Variants in GLRB observed in about 807,000 individuals in gnomAD.
GLRB encodes the protein glycine receptor subunit beta.
Under a neutral mutation model 54.2 loss-of-function variants are expected in GLRB, and 33 were observed. The observed-to-expected ratio is 0.61, with a 90% CI of 0.46 to 0.81. The LOEUF is 0.81. Among genes scored for constraint, GLRB ranks in the 40% least tolerant of loss-of-function variants. The pLI is 0.00. For missense variants in GLRB, 572 were observed against 584.6 expected (o/e 0.98, Z 0.22); for synonymous variants, 209 against 208.2 (o/e 1.00, Z -0.03).
At chr4:157,123,371 C>T (rs1292384698) in intron 4 of GLRB, among the ~76,000 whole-genome samples, 1 of 151,668 alleles carries the variant, frequency 6.6e-6, no homozygotes, top group African/African-American at 2.4e-5. Flanking sequence ...GTAGCAGCAG[C>T]ATAGTACATT....
chr4:157,105,193 T>C (rs1735178700), intron 2 of GLRB, among the ~76,000 whole-genome samples: 1 of 151,896 alleles, frequency 6.6e-6, no homozygotes. Flanking sequence ...TAAGCTTCCC[T>C]CTTAGTACTT....
rs923718446 is a variant in GLRB at position 157,092,927 on chromosome 4, C to G, written c.122+14781C>G. Among the ~76,000 whole-genome samples, 8 of 152,246 alleles carry G rather than the reference C, an allele frequency of 5.3e-5. No homozygotes were observed. In the South Asian group the frequency reaches 1.7e-3, roughly 32 times the overall value. ...TCACAAAAGGTAGTAAAATGGCTTT[C>G]CTAATGGCCTACCGCTAGCTAGTGG... On this transcript the variant is annotated intron_variant, in intron 2 of 9. Transcript: ENST00000264428.
intron 9 of GLRB, among the ~76,000 whole-genome samples, chr4:157,164,685 G>C (rs1195332196): frequency 6.6e-6 from 1 of 152,104 alleles, no homozygotes; most frequent in Non-Finnish European, 1.5e-5. Flanking sequence ...AATGTGCAAT[G>C]ATCCTGATAC....
intron 7 of GLRB, among the ~76,000 whole-genome samples, chr4:157,140,685 G>A (rs1736574944): frequency 6.6e-6 from 1 of 151,866 alleles, no homozygotes; most frequent in Admixed American, 6.6e-5. Context: ...GTGATGCTGT[G>A]GGAGAGGGAG....
chr4:157,138,613 A>G (rs921598667), intron 6 of GLRB, among the ~76,000 whole-genome samples, 196 bp from the exon 7 acceptor site: 1 of 152,174 alleles, frequency 6.6e-6, no homozygotes, highest in Non-Finnish European at 1.5e-5. Context: ...TTTCTTTAAG[A>G]TGAATATCTT....
At chr4:157,155,476 A>AT (rs1260402700) in intron 9 of GLRB, among the ~76,000 whole-genome samples, 3 of 151,962 alleles carry the variant, frequency 2.0e-5, no homozygotes, top group African/African-American at 7.3e-5. Flanking sequence ...CAGGTGACAC[A>AT]TTTTTTTCAC....
chr4:157,132,517 C>A (rs1445639294), intron 4 of GLRB, among the ~76,000 whole-genome samples: 7 of 151,794 alleles, frequency 4.6e-5, no homozygotes, highest in Non-Finnish European at 1.0e-4. Context: ...TCTTTGGGAA[C>A]CCCACCAGCT....
chr4:157,114,736 T>C (rs1300724090), intron 2 of GLRB, among the ~76,000 whole-genome samples: 1 of 151,944 alleles, frequency 6.6e-6, no homozygotes. Context: ...GTCCTTCAGA[T>C]GGGATTTATC....
intron 4 of GLRB, among the ~76,000 whole-genome samples, chr4:157,123,054 G>A (rs987620553): frequency 6.6e-6 from 1 of 151,780 alleles, no homozygotes; most frequent in African/African-American, 2.4e-5. Flanking sequence ...AAAGTTTTCA[G>A]TAAAGTAATA....
intron 2 of GLRB, among the ~76,000 whole-genome samples, chr4:157,118,007 C>T (rs959648078): frequency 6.6e-6 from 1 of 151,404 alleles, no homozygotes; most frequent in African/African-American, 2.4e-5. Context: ...TAGATTAGTA[C>T]AATAAAGAAT....
chr4:157,120,574 C>A lies in GLRB; in HGVS notation c.141C>A (p.Asp47Glu). ...YLCPSQQSAEDLARVPANSTS... is the reference protein window; with the variant it reads ...YLCPSQQSAEELARVPANSTS... ...CTTATAGTCAGCAGTCAGCAGAGGA[C>A]CTTGCCCGAGTACCTGCCAACTCCA... Residue 47 changes from aspartate to glutamate, a missense_variant, in exon 3 of 10, where the codon GAC (aspartate) becomes GAA (glutamate). Transcript: ENST00000264428. 3 of 1,592,416 alleles carry A rather than the reference C, an allele frequency of 1.9e-6. No individual in the cohort carries two copies. Among genetic ancestry groups the A allele is most frequent in the Admixed American group, 3.4e-5 (2 of 59,626 alleles).
rs1312360785 is a variant in GLRB, at chr4:157,122,358, T to C, written c.258T>C (p.Ile86=). 1.5e-6 allele frequency: 2 copies of C among 1,308,462 alleles called. No homozygotes were observed. Among genetic ancestry groups the C allele is most frequent in the African/African-American group, 3.0e-5 (2 of 67,706 alleles). 81.1% of individuals were successfully genotyped at this position (1,308,462 alleles called of 1,614,324 possible). Residue 86 remains isoleucine (I), a synonymous_variant, in exon 4 of 10, where the codon ATT becomes ATC. Coordinates refer to ENST00000264428, the MANE Select transcript of GLRB (RefSeq NM_000824.5). The stretch of plus-strand genomic sequence containing the variant: ...TTCCTGTTGATGTAGTAGTCAACAT[T>C]TTTATTAACAGTTTTGGATCCATTC... ...KGIPVDVVVN[I]FINSFGSIQE... is the part of the protein sequence containing the mutation.
intron 9 of GLRB, among the ~76,000 whole-genome samples, chr4:157,163,794 T>G (rs1737607457): frequency 6.6e-6 from 1 of 151,138 alleles, no homozygotes; most frequent in South Asian, 2.1e-4. Flanking sequence ...GCTCATCTGC[T>G]TCCTCTTCTC....
At chr4:157,125,058 A>G (rs1452699087) in intron 4 of GLRB, among the ~76,000 whole-genome samples, 3 of 151,914 alleles carry the variant, frequency 2.0e-5, no homozygotes, top group Non-Finnish European at 2.9e-5. Context: ...TGACATTAAA[A>G]TATCTTTCAA....
At chr4:157,152,591 A>C (rs1457859117) in intron 8 of GLRB, 127 bp from the exon 9 acceptor site, 2 of 790,286 alleles carry the variant, frequency 2.5e-6, no homozygotes, top group South Asian at 1.4e-5. Flanking sequence ...TTGAGCTTTA[A>C]GGGGACCTGA....
intron 9 of GLRB, among the ~76,000 whole-genome samples, chr4:157,169,989 C>T (rs577160746): frequency 7.2e-5 from 11 of 152,118 alleles, no homozygotes; most frequent in South Asian, 2.1e-4. Context: ...ATTTATAAAC[C>T]GCTCTACTTG....
chr4:157,152,686 AG>A, intron 8 of GLRB, 31 bp from the exon 9 acceptor site: 7 of 1,593,182 alleles, frequency 4.4e-6, no homozygotes, highest in Non-Finnish European at 6.0e-6. Flanking sequence ...AGGGATAAAA[AG>A]CAACTTTCAT....
intron 8 of GLRB, among the ~76,000 whole-genome samples, chr4:157,148,871 T>A (rs544702553): frequency 3.8e-4 from 58 of 152,260 alleles, no homozygotes; most frequent in Admixed American, 3.3e-3. Context: ...TCTGTTGAAA[T>A]CTTTTATCTC....
At chr4:157,124,675 G>A (rs141098487) in intron 4 of GLRB, among the ~76,000 whole-genome samples, 284 of 151,862 alleles carry the variant, frequency 1.9e-3, no homozygotes, top group African/African-American at 6.1e-3. Context: ...GAATAATGTC[G>A]TTACTACAGA....
Sources: gnomAD v4.1 joint callset for allele counts (sites outside exome capture counted in the v4.1 genomes callset) on GRCh38, gnomAD v4.1.1 for gene constraint, MANE v1.5 for transcripts, NCBI Gene and HGNC (gene_info 2026-07-23, HGNC 2026-07-21) for gene names.